The following TSHZ2 variants were observed in gnomAD, a reference collection of about 807,000 sequenced individuals.
The protein encoded by TSHZ2 is teashirt zinc finger homeobox 2.
TSHZ2 carries 21 observed loss-of-function variants against 74.4 expected under a neutral mutation model. The ratio of observed to expected loss-of-function variants is 0.28; its 90% CI spans 0.20 to 0.41. TSHZ2 has a LOEUF of 0.41. TSHZ2 is among the 10% of genes least tolerant of loss of function. The pLI is 1.00. For missense variants in TSHZ2, 1,244 were observed against 1,293.5 expected, an observed-to-expected ratio of 0.96 and a Z score of 0.59; for synonymous variants, 540 against 515.3, an observed-to-expected ratio of 1.05 and a Z score of -0.65.
chr20:53,047,514 T>G (rs1569810), intron 1 of TSHZ2, among the ~76,000 whole-genome samples: 61,146 of 152,016 alleles, frequency 0.4, 14,146 homozygotes, highest in East Asian at 0.65. Context: ...AAATATTACC[T>G]CCACTGACAG....
chr20:53,108,473 G>A (rs920768187), intron 1 of TSHZ2, among the ~76,000 whole-genome samples: 10 of 152,202 alleles, frequency 6.6e-5, no homozygotes, highest in Non-Finnish European at 8.8e-5. Flanking sequence ...AAGACGGTAC[G>A]TGTTACCCTC....
In TSHZ2 at chr20:53,382,554, G is replaced by A. The variant is rs557359252; in HGVS notation, c.*9-104590G>A. Among the ~76,000 whole-genome samples the A allele has an allele frequency of 2.0e-5, 3 of 152,312 alleles. No homozygotes were observed. The East Asian group carries it at 5.8e-4, about 29-fold the overall frequency. On this transcript the variant is annotated intron_variant, in intron 2 of 2. Transcript: ENST00000371497. The stretch of plus-strand genomic sequence containing the variant: ...AACAGGGACCCAAAGAGAGCACAGA[G>A]CAGCTGCAATGGGAGGTCAGACAAG...
intron 1 of TSHZ2, among the ~76,000 whole-genome samples, chr20:53,043,902 T>C (rs1984133251): frequency 6.6e-6 from 1 of 152,134 alleles, no homozygotes; most frequent in Admixed American, 6.5e-5. Flanking sequence ...ATCTCAAACA[T>C]CTGTACTTCG....
At chr20:53,336,092 C>T (rs1047151119) in intron 2 of TSHZ2, among the ~76,000 whole-genome samples, 1 of 152,170 alleles carries the variant, frequency 6.6e-6, no homozygotes, top group African/African-American at 2.4e-5. Flanking sequence ...TATATTTTCT[C>T]ATCAGGTAAA....
At chr20:53,447,656 C>T (rs531319168) in intron 2 of TSHZ2, among the ~76,000 whole-genome samples, 150 of 152,252 alleles carry the variant, frequency 9.9e-4, no homozygotes, top group African/African-American at 3.5e-3. Flanking sequence ...TCAATCATTC[C>T]ATGTCTTTTA....
intron 2 of TSHZ2, among the ~76,000 whole-genome samples, chr20:53,436,552 T>TA (rs1328460310): frequency 2.0e-4 from 28 of 138,170 alleles, no homozygotes; most frequent in Admixed American, 5.1e-4. Context: ...ATTATTATTT[T>TA]TTTTTTTTTT....
intron 1 of TSHZ2, among the ~76,000 whole-genome samples, chr20:53,071,074 T>A (rs539071317): frequency 6.6e-6 from 1 of 152,314 alleles, no homozygotes; most frequent in South Asian, 2.1e-4. Context: ...TTTATATTAC[T>A]AAATAGCACA....
chr20:53,357,656 T>C (rs566939592), intron 2 of TSHZ2, among the ~76,000 whole-genome samples: 1 of 152,314 alleles, frequency 6.6e-6, no homozygotes, highest in East Asian at 1.9e-4. Flanking sequence ...AATGTGATTA[T>C]CCACTTTAAG....
chr20:53,067,836 G>A (rs1292664539), intron 1 of TSHZ2, among the ~76,000 whole-genome samples: 2 of 152,192 alleles, frequency 1.3e-5, no homozygotes, highest in East Asian at 1.9e-4. Flanking sequence ...TCACAGAAAT[G>A]TACTGTCTCA....
At chr20:53,091,990 G>A (rs1985899436) in intron 1 of TSHZ2, among the ~76,000 whole-genome samples, 1 of 152,162 alleles carries the variant, frequency 6.6e-6, no homozygotes, top group Non-Finnish European at 1.5e-5. Context: ...AGGTTGCAGT[G>A]AGCCATGATT....
chr20:53,009,860 C>T (rs1982786274), intron 1 of TSHZ2, among the ~76,000 whole-genome samples: 1 of 152,128 alleles, frequency 6.6e-6, no homozygotes, highest in Non-Finnish European at 1.5e-5. Context: ...AAATTCATTA[C>T]CCAAAATTCC....
Position 52,972,576 on chromosome 20 carries a change from C to G in TSHZ2, c.-718C>G, listed in dbSNP as rs998219376. Reference sequence around the variant, plus strand: ...AGTGAGTGAATTCCAGATTTTCTGTCTTTCCAAAACCCGCTCCTGTCCTCT... The same window carrying G: ...AGTGAGTGAATTCCAGATTTTCTGTGTTTCCAAAACCCGCTCCTGTCCTCT... On this transcript the variant is annotated 5_prime_UTR_variant, in exon 1 of 3. Transcript: ENST00000371497. 1 of 153,006 alleles carries G rather than the reference C, an allele frequency of 6.5e-6. No homozygotes were observed. The highest frequency in any genetic ancestry group is 2.4e-5 in the African/African-American group (1 of 41,350). The allele number at this position is 153,006 out of a possible 1,614,324, so 9.5% of individuals were successfully genotyped here.
intron 1 of TSHZ2, among the ~76,000 whole-genome samples, chr20:53,022,358 G>A (rs79222419): frequency 2.6e-5 from 4 of 152,142 alleles, no homozygotes; most frequent in African/African-American, 9.7e-5. Flanking sequence ...GAGCTCAGCA[G>A]GTTGACAGTG....
intron 1 of TSHZ2, among the ~76,000 whole-genome samples, chr20:53,094,488 C>T (rs1030155591): frequency 1.3e-5 from 2 of 152,100 alleles, no homozygotes; most frequent in African/African-American, 2.4e-5. Context: ...GTCCCTGACT[C>T]GGTGCAAGTT....
Position 53,330,688 on chromosome 20 carries a change from AAAAG to A in TSHZ2, c.*8+74123_*8+74126del, listed in dbSNP as rs1166106807. 1.1e-4 allele frequency among the ~76,000 whole-genome samples: 16 copies of A among 152,364 alleles called. No individual in the cohort carries two copies. In the South Asian group the frequency reaches 2.3e-3, roughly 22 times the overall value. On this transcript the variant is annotated intron_variant, in intron 2 of 2. Coordinates refer to ENST00000371497, the MANE Select transcript of TSHZ2 (RefSeq NM_173485.6). The stretch of plus-strand genomic sequence containing the variant: ...CCATCATCTTGACACTAAAAAAAGA[AAAAG>A]AAAGACAGAAAATGTGTGCATGAAA...
chr20:53,266,987 A>G (rs1399973616), intron 2 of TSHZ2, among the ~76,000 whole-genome samples: 4 of 152,188 alleles, frequency 2.6e-5, no homozygotes. Context: ...CATGTTGGCC[A>G]GGCTGATCTC....
At chr20:53,304,348 T>C (rs1000062685) in intron 2 of TSHZ2, among the ~76,000 whole-genome samples, 4 of 151,988 alleles carry the variant, frequency 2.6e-5, no homozygotes, top group African/African-American at 9.7e-5. Flanking sequence ...CCGGTACTTA[T>C]GGCATATGGC....
chr20:53,388,399 G>A (rs190799915), intron 2 of TSHZ2, among the ~76,000 whole-genome samples: 13 of 152,280 alleles, frequency 8.5e-5, no homozygotes, highest in Non-Finnish European at 1.6e-4. Context: ...CAGGTCCTCT[G>A]CCCTCGAGTA....
intron 1 of TSHZ2, among the ~76,000 whole-genome samples, chr20:53,233,386 A>G (rs1269734356): frequency 6.6e-6 from 1 of 152,210 alleles, no homozygotes; most frequent in Non-Finnish European, 1.5e-5. Flanking sequence ...CCATGAGACT[A>G]TGTAAGAAGA....
Sources: gnomAD v4.1 joint callset for allele counts (sites outside exome capture counted in the v4.1 genomes callset) on GRCh38, gnomAD v4.1.1 for gene constraint, MANE v1.5 for transcripts, NCBI Gene and HGNC (gene_info 2026-07-23, HGNC 2026-07-21) for gene names.